The following NEB variants were observed in gnomAD, a reference collection of about 807,000 sequenced individuals.
The protein encoded by NEB is nemaline myopathy type 2.
Under a neutral mutation model 952.2 loss-of-function variants are expected in NEB, and 512 were observed. The observed-to-expected ratio is 0.54, with a 90% CI of 0.50 to 0.58. The LOEUF (loss-of-function observed/expected upper bound fraction) is 0.58, where lower values mean the gene tolerates loss of function less well. Ranked by LOEUF, NEB falls within the 20% of genes least tolerant of loss-of-function variation. The probability of loss-of-function intolerance (pLI) is 0.00; values close to 1 mark genes in which losing one functional copy is unlikely to be tolerated. For missense variants in NEB, 8,428 were observed against 9,231.1 expected, an observed-to-expected ratio of 0.91 and a Z score of 3.56; for synonymous variants, 2,900 against 3,149.8, an observed-to-expected ratio of 0.92 and a Z score of 2.66.
intron 140 of NEB, 68 bp downstream of exon 140, chr2:151,537,804 A>G (rs2153549808): frequency 9.8e-7 from 1 of 1,021,268 alleles, no homozygotes. Flanking sequence ...TTTTTATGCC[A>G]TGTATGATTT....
At chr2:151,561,177 G>C in intron 122 of NEB, 31 bp downstream of exon 122, 1 of 1,578,130 alleles carries the variant, frequency 6.3e-7, no homozygotes. Context: ...GAAATAGTTT[G>C]TCCCTGGAAG....
At position 151,623,649 on chromosome 2, in the gene NEB, G is replaced by T. The variant is rs543138263; in HGVS notation, c.10452+1885C>A. Among the ~76,000 whole-genome samples, 4 of 152,152 alleles carry T rather than the reference G, an allele frequency of 2.6e-5. No homozygotes were observed. In the South Asian group the frequency reaches 8.3e-4, roughly 32 times the overall value. ...TCAGTTTATAGTCTTTTCAAGATGAGATTTTATAAGAAAAAGCTAAAGTAA... is the reference window on the plus strand; with the variant it reads ...TCAGTTTATAGTCTTTTCAAGATGATATTTTATAAGAAAAAGCTAAAGTAA... On this transcript the variant is annotated intron_variant, in intron 71 of 181. Coordinates refer to ENST00000397345, the MANE Select transcript of NEB (RefSeq NM_001164508.2).
chr2:151,623,939 C>T (rs565119047), intron 71 of NEB, among the ~76,000 whole-genome samples: 2 of 152,198 alleles, frequency 1.3e-5, no homozygotes, highest in East Asian at 1.9e-4. Context: ...AAGGAGAGAA[C>T]ACTTTTAGCT....
At chr2:151,562,490 T>C in intron 120 of NEB, 121 bp downstream of exon 120, 1 of 1,072,364 alleles carries the variant, frequency 9.3e-7, no homozygotes, top group East Asian at 2.6e-5. Flanking sequence ...CACTTTGTTT[T>C]GAGAAGCAGC....
At position 151,655,824 on chromosome 2, in the gene NEB, A is replaced by G. The variant is rs1228502668; in HGVS notation, c.6695T>C (p.Met2232Thr). ...MVLAKQNAHT[M>T]NKHLYTIDWN... ...GGCCACTGTTCTCTGTACCTTGTTC[A>G]TGGTATGTGCATTCTGCTTGGCAAG... Residue 2232 changes from methionine (M) to threonine (T), a missense_variant, in exon 50 of 182, where the codon ATG (methionine) becomes ACG (threonine). Met to Thr is a moderately conservative substitution (Grantham distance 81). Coordinates refer to ENST00000397345, the MANE Select transcript of NEB (RefSeq NM_001164508.2). 1.4e-5 allele frequency: 23 copies of G among 1,613,560 alleles called. No individual in the cohort carries two copies. The highest frequency in any genetic ancestry group is 1.9e-5 in the Non-Finnish European group (23 of 1,179,690).
Position 151,680,022 on chromosome 2 carries a change from T to C in NEB, c.3043A>G (p.Ile1015Val), listed in dbSNP as rs2099402525. The C allele has an allele frequency of 6.3e-7, 1 of 1,592,694 alleles. No homozygotes were observed. Residue 1015 changes from isoleucine (I) to valine (V), a missense_variant and splice_region_variant, in exon 31 of 182, where the codon ATC becomes GTC. This residue lies in a region of NEB where 2,851 missense variants were observed against 2,791.5 expected (regional missense o/e 1.02). Transcript: ENST00000397345. ...SKINQAQRSDIAYKAKGEEII... is the reference protein window; with the variant it reads ...SKINQAQRSDVAYKAKGEEII... Reference sequence around the variant, plus strand: ...TCCTCTCCTTTGGCTTTGTAAGCGATCTGAAAGAGAAAAAAATGCATAAAC... The same window carrying C: ...TCCTCTCCTTTGGCTTTGTAAGCGACCTGAAAGAGAAAAAAATGCATAAAC...
rs1272892205 is a variant in NEB, at chr2:151,656,033, A to G, written c.6496-10T>C. The G allele has an allele frequency of 6.2e-7, 1 of 1,609,768 alleles. No individual in the cohort carries two copies. Among genetic ancestry groups the G allele is most frequent in the African/African-American group, 1.3e-5 (1 of 74,718 alleles). Reference sequence around the variant, plus strand: ...CTTGCTTATATTCATTCTATAAAGAAGATAAGCAAATTCTACTTTATCTTA... The same window carrying G: ...CTTGCTTATATTCATTCTATAAAGAGGATAAGCAAATTCTACTTTATCTTA... On this transcript the variant is annotated splice_polypyrimidine_tract_variant and intron_variant, in intron 49 of 181. Coordinates refer to ENST00000397345, the MANE Select transcript of NEB (RefSeq NM_001164508.2).
chr2:151,560,032 G>A (rs1054110009), intron 124 of NEB, among the ~76,000 whole-genome samples: 3 of 152,100 alleles, frequency 2.0e-5, no homozygotes, highest in Admixed American at 6.6e-5. Flanking sequence ...AGAGTTAGAG[G>A]ATGTATGATC....
At chr2:151,640,928 A>G (rs574366255) in intron 60 of NEB, among the ~76,000 whole-genome samples, 49 of 152,060 alleles carry the variant, frequency 3.2e-4, no homozygotes, top group Non-Finnish European at 6.5e-4. Context: ...AGAATTTAGA[A>G]TTTGTTTTTA....
At position 151,662,196 on chromosome 2, in the gene NEB, G is replaced by A. The variant is rs1485267760; in HGVS notation, c.5909C>T (p.Ser1970Phe). Residue 1970 changes from serine (S) to phenylalanine (F), a missense_variant, in exon 46 of 182, where the codon TCC becomes TTC. Coordinates refer to ENST00000397345, the MANE Select transcript of NEB (RefSeq NM_001164508.2). ...CATGTTCATCGAGTCCATGAGTGTG[G>A]AATACTTCAAAGTGTCTGGGTGCTG... ...YRQHPDTLKY[S>F]TLMDSMNMVL... 18 of 1,613,584 alleles carry A rather than the reference G, an allele frequency of 1.1e-5. No homozygotes were observed. Among genetic ancestry groups the A allele is most frequent in the Non-Finnish European group, 1.5e-5 (18 of 1,179,668 alleles).
Position 151,524,417 on chromosome 2 carries a change from T to C in NEB, c.22375-2A>G, listed in dbSNP as rs2153437998. On this transcript the variant is annotated splice_acceptor_variant, in intron 152 of 181. Coordinates refer to ENST00000397345, the MANE Select transcript of NEB (RefSeq NM_001164508.2). LOFTEE classifies it high-confidence loss of function. ...GCGGTGCTTGGCTCTGTACTCCACC[T>C]GAATCAGAGAAAACCAAAATGGGCA... The C allele has an allele frequency of 6.2e-7, 1 of 1,613,950 alleles. No homozygotes were observed. The highest frequency in any genetic ancestry group is 2.2e-5 in the East Asian group (1 of 44,878).
intron 103 of NEB, 131 bp downstream of exon 103, chr2:151,581,352 A>G (rs963276272): frequency 1.0e-5 from 3 of 289,194 alleles, no homozygotes; most frequent in African/African-American, 1.2e-4. Context: ...GCTACTTATC[A>G]TTAACTTAAA....
chr2:151,528,904 C>T (rs1364569688), intron 146 of NEB, among the ~76,000 whole-genome samples: 4 of 152,188 alleles, frequency 2.6e-5, no homozygotes, highest in Non-Finnish European at 5.9e-5. Flanking sequence ...TGCTCAGGCA[C>T]TTTCCAAAAA....
chr2:151,697,529 A>T lies in NEB; in HGVS notation c.1257+15T>A. The T allele has an allele frequency of 1.2e-6, 2 of 1,609,240 alleles. No homozygotes were observed. The highest frequency in any genetic ancestry group is 1.7e-6 in the Non-Finnish European group (2 of 1,176,610). On this transcript the variant is annotated intron_variant, in intron 14 of 181. Transcript: ENST00000397345. ...TTCTTTTTTTAACAGAAAGAGTGAC[A>T]GTAGGATTGCTTACATCACTACTGA... is the stretch of plus-strand genomic sequence containing the variant.
rs1268910124 is a variant in NEB at position 151,627,012 on chromosome 2, T to C, written c.10337A>G (p.Asn3446Ser). The change falls in exon 70 of 182, where the codon AAT becomes AGT. Residue 3446 changes from asparagine (N) to serine (S), a missense_variant. Asn to Ser is a conservative substitution (Grantham distance 46). Around this residue, in one of 11 missense-constraint regions of NEB, gnomAD observed 1,772 missense variants for 1,960.3 expected, o/e 0.90. Transcript: ENST00000397345. ...EQVLAKNNALNMNKRLYTEAW... is the reference protein window; with the variant it reads ...EQVLAKNNALSMNKRLYTEAW... ...AAATTGGGGGCTCACCTTGTTCATA[T>C]TGAGAGCATTGTTCTTGGCCAGCAC... is the stretch of plus-strand genomic sequence containing the variant. 7 of 1,613,970 alleles carry C rather than the reference T, an allele frequency of 4.3e-6. No individual in the cohort carries two copies. Among genetic ancestry groups the C allele is most frequent in the Non-Finnish European group, 5.9e-6 (7 of 1,179,860 alleles).
Position 151,630,901 on chromosome 2 carries a change from C to T in NEB, c.9619-82G>A, listed in dbSNP as rs2098655013. On this transcript the variant is annotated intron_variant, in intron 66 of 181. Transcript: ENST00000397345. The stretch of plus-strand genomic sequence containing the variant: ...GTTCATTTAAAACTGTTATTACTGA[C>T]CTAATTAGGAAAAATAAGCCAGACT... 5 of 1,303,108 alleles carry T rather than the reference C, an allele frequency of 3.8e-6. No individual in the cohort carries two copies. The East Asian group carries it at 7.5e-5, about 20-fold the overall frequency. 80.7% of individuals were successfully genotyped at this position (1,303,108 alleles called of 1,614,324 possible).
chr2:151,554,914 C>T lies in NEB; in HGVS notation c.19428+17G>A, dbSNP rs577482758. On this transcript the variant is annotated intron_variant, in intron 125 of 181. Coordinates refer to ENST00000397345, the MANE Select transcript of NEB (RefSeq NM_001164508.2). ...AGAATGTATCCTAGTCATTAAGGGGCGCATGACCGTACTTACATCGATGTT... is the reference window on the plus strand; with the variant it reads ...AGAATGTATCCTAGTCATTAAGGGGTGCATGACCGTACTTACATCGATGTT... 1.0e-5 allele frequency: 16 copies of T among 1,535,142 alleles called. No individual in the cohort carries two copies. Among genetic ancestry groups the T allele is most frequent in the Non-Finnish European group, 1.4e-5 (15 of 1,108,082 alleles).
Sources: allele counts gnomAD v4.1 joint callset (sites outside exome capture counted in the v4.1 genomes callset), GRCh38; gene constraint gnomAD v4.1.1; regional missense constraint gnomAD v4.1.1; transcripts MANE v1.5; gene names NCBI Gene and HGNC (gene_info 2026-07-23, HGNC 2026-07-21).